Variants in QTMAN observed in about 807,000 individuals in gnomAD.
QTMAN encodes tRNA-queuosine alpha-mannosyltransferase.
chr2:143,948,367 A>T, the QTMAN span, among the ~76,000 whole-genome samples: 123 of 152,296 alleles, frequency 8.1e-4, no homozygotes, highest in African/African-American at 2.8e-3. Flanking sequence ...AAACAAAAAA[A>T]TCAGGAGCTA....
chr2:144,035,873 G>A, the QTMAN span, among the ~76,000 whole-genome samples: 1 of 152,126 alleles, frequency 6.6e-6, no homozygotes, highest in Non-Finnish European at 1.5e-5. Flanking sequence ...CTTTTTCAGT[G>A]TGGTGTTGCT....
the QTMAN span, among the ~76,000 whole-genome samples, chr2:144,255,281 G>A: frequency 4.6e-5 from 7 of 152,142 alleles, no homozygotes; most frequent in African/African-American, 1.7e-4. Context: ...CCTGGTGGGA[G>A]GTAATTGAAT....
the QTMAN span, among the ~76,000 whole-genome samples, chr2:144,324,115 T>C: frequency 6.6e-6 from 1 of 152,226 alleles, no homozygotes; most frequent in African/African-American, 2.4e-5. Flanking sequence ...TGCCCAAGGT[T>C]ACCGAAGTGG....
chr2:144,192,398 C>T, the QTMAN span, among the ~76,000 whole-genome samples: 1 of 152,120 alleles, frequency 6.6e-6, no homozygotes, highest in Non-Finnish European at 1.5e-5. Context: ...TAAGCCAATG[C>T]ACCTGGCCTA....
chr2:144,033,444 C>G, the QTMAN span, among the ~76,000 whole-genome samples: 1 of 152,184 alleles, frequency 6.6e-6, no homozygotes, highest in Non-Finnish European at 1.5e-5. Flanking sequence ...ATGCATAGGA[C>G]AAACCACAGG....
chr2:144,161,268 G>C, the QTMAN span, among the ~76,000 whole-genome samples: 3 of 152,074 alleles, frequency 2.0e-5, no homozygotes, highest in African/African-American at 7.2e-5. Flanking sequence ...CATCACAACT[G>C]TATACAATGG....
the QTMAN span, among the ~76,000 whole-genome samples, chr2:144,301,708 T>C: frequency 2.6e-5 from 4 of 152,196 alleles, no homozygotes; most frequent in African/African-American, 7.2e-5. Context: ...GCACATCCAC[T>C]ACCAATGCCC....
At chr2:144,073,764 C>T in the QTMAN span, among the ~76,000 whole-genome samples, 6 of 152,310 alleles carry the variant, frequency 3.9e-5, no homozygotes, top group South Asian at 8.3e-4. Context: ...TTATTTCCTT[C>T]GAATCATATC....
At chr2:144,190,031 G>A in the QTMAN span, among the ~76,000 whole-genome samples, 3 of 152,064 alleles carry the variant, frequency 2.0e-5, no homozygotes, top group Non-Finnish European at 4.4e-5. Context: ...ATTACTTGGG[G>A]TTTTATCAGG....
At chr2:144,015,234 C>T in the QTMAN span, among the ~76,000 whole-genome samples, 6 of 152,126 alleles carry the variant, frequency 3.9e-5, no homozygotes, top group Non-Finnish European at 7.3e-5. Context: ...CCCACTCCCC[C>T]CTAAAAAGAG....
the QTMAN span, among the ~76,000 whole-genome samples, chr2:144,322,665 A>G: frequency 6.6e-6 from 1 of 152,194 alleles, no homozygotes; most frequent in Non-Finnish European, 1.5e-5. Flanking sequence ...GCCCATTCAG[A>G]TAATTGTAGA....
the QTMAN span, among the ~76,000 whole-genome samples, chr2:144,080,042 T>C: frequency 6.6e-6 from 1 of 152,130 alleles, no homozygotes; most frequent in Non-Finnish European, 1.5e-5. Flanking sequence ...CTTACATTCC[T>C]GCAACAGATG....
At chr2:143,985,249 C>T in the QTMAN span, among the ~76,000 whole-genome samples, 2 of 152,206 alleles carry the variant, frequency 1.3e-5, no homozygotes, top group South Asian at 2.1e-4. Context: ...GTGCTCCCTC[C>T]CATAAGGGAC....
At chr2:143,959,632 T>C in the QTMAN span, among the ~76,000 whole-genome samples, 4 of 152,158 alleles carry the variant, frequency 2.6e-5, no homozygotes, top group East Asian at 1.9e-4. Flanking sequence ...GTGATAATTA[T>C]CGTACAGCTA....
chr2:144,143,050 C>T, the QTMAN span, among the ~76,000 whole-genome samples: 3 of 152,056 alleles, frequency 2.0e-5, no homozygotes, highest in African/African-American at 7.2e-5. Context: ...GGGTAAACAA[C>T]CAATACTCTA....
the QTMAN span, among the ~76,000 whole-genome samples, chr2:144,213,422 A>C: frequency 6.6e-6 from 1 of 152,230 alleles, no homozygotes; most frequent in Admixed American, 6.5e-5. Context: ...TGTCAATTAA[A>C]AAAATAAATT....
the QTMAN span, among the ~76,000 whole-genome samples, chr2:144,301,874 C>G: frequency 6.6e-6 from 1 of 152,100 alleles, no homozygotes; most frequent in African/African-American, 2.4e-5. Context: ...CATGGGTCCT[C>G]AAGAAATATT....
At chr2:144,300,591 A>G in the QTMAN span, among the ~76,000 whole-genome samples, 2 of 152,244 alleles carry the variant, frequency 1.3e-5, no homozygotes, top group African/African-American at 4.8e-5. Flanking sequence ...GATATACACC[A>G]TAACATGTCT....
the QTMAN span, among the ~76,000 whole-genome samples, chr2:144,320,127 G>A: frequency 2.0e-5 from 3 of 152,248 alleles, no homozygotes; most frequent in East Asian, 3.9e-4. Flanking sequence ...ATTATATGAA[G>A]CTAAATTTCC....
Sources: allele counts gnomAD v4.1 joint callset (sites outside exome capture counted in the v4.1 genomes callset), GRCh38; gene constraint gnomAD v4.1.1; transcripts MANE v1.5; gene names NCBI Gene and HGNC (gene_info 2026-07-23, HGNC 2026-07-21).